NGF: variants seen among roughly 807,000 people sequenced by gnomAD.
NGF encodes the protein nerve growth factor.
NGF carries 4 observed loss-of-function variants against 12.8 expected under a neutral mutation model. That is an observed-to-expected ratio of 0.31 (90% CI 0.15 to 0.72). The LOEUF is 0.72. NGF is among the 30% of genes least tolerant of loss of function. The pLI, the probability that NGF is intolerant of heterozygous loss-of-function variation, is 0.69. For synonymous variants in NGF, 140 were observed against 130.0 expected, an observed-to-expected ratio of 1.08 and a Z score of -0.52; for missense variants, 283 against 330.8, an observed-to-expected ratio of 0.86 and a Z score of 1.12.
chr1:115,321,248 G>A (rs1207840343), intron 1 of NGF, among the ~76,000 whole-genome samples: 2 of 152,082 alleles, frequency 1.3e-5, no homozygotes, highest in Admixed American at 6.5e-5. Context: ...TTCCACTGTT[G>A]TATCACCAGT....
At chr1:115,302,635 C>T (rs1298018826) in intron 1 of NGF, among the ~76,000 whole-genome samples, 1 of 152,228 alleles carries the variant, frequency 6.6e-6, no homozygotes. Flanking sequence ...TGGCAGCAGG[C>T]CTCTGTCTGT....
At chr1:115,333,709 CTTTCT>C (rs746705767) in intron 1 of NGF, among the ~76,000 whole-genome samples, 4,592 of 57,030 alleles carry the variant, frequency 0.081, 200 homozygotes, top group African/African-American at 0.21. Context: ...TTCTTTCTTT[CTTTCT>C]TTTCTTTCTT....
chr1:115,306,830 C>T (rs1319183099), intron 1 of NGF, among the ~76,000 whole-genome samples: 1 of 152,228 alleles, frequency 6.6e-6, no homozygotes, highest in African/African-American at 2.4e-5. Flanking sequence ...ATGGCTGTCA[C>T]CTACAGGGTA....
At chr1:115,311,360 G>A (rs1654331165) in intron 1 of NGF, among the ~76,000 whole-genome samples, 1 of 152,104 alleles carries the variant, frequency 6.6e-6, no homozygotes, top group Non-Finnish European at 1.5e-5. Flanking sequence ...TACATATGCT[G>A]AGTGGCTCTT....
At chr1:115,336,823 T>A (rs764692847) in intron 1 of NGF, among the ~76,000 whole-genome samples, 201 of 152,270 alleles carry the variant, frequency 1.3e-3, no homozygotes, top group Non-Finnish European at 2.5e-3. Context: ...ACTGATGGGG[T>A]CTCCACTGTC....
intron 1 of NGF, among the ~76,000 whole-genome samples, chr1:115,314,047 A>T (rs908804803): frequency 5.3e-5 from 8 of 152,116 alleles, no homozygotes; most frequent in South Asian, 4.2e-4. Flanking sequence ...ATGGTGGAAG[A>T]CCCCAGTCCA....
chr1:115,304,320 G>A (rs1378944366), intron 1 of NGF, among the ~76,000 whole-genome samples: 1 of 50,564 alleles, frequency 2.0e-5, no homozygotes, highest in Non-Finnish European at 5.3e-5. Context: ...GCACCACCAT[G>A]CTTGGCTAAT....
chr1:115,322,214 C>T (rs1654649568), intron 1 of NGF, among the ~76,000 whole-genome samples: 2 of 152,186 alleles, frequency 1.3e-5, no homozygotes, highest in Admixed American at 6.5e-5. Flanking sequence ...GGGCCCATGG[C>T]AAAAGCTAAG....
At chr1:115,337,256 G>GTTTTTTTTTTT (rs1364127314) in intron 1 of NGF, among the ~76,000 whole-genome samples, 2 of 27,200 alleles carry the variant, frequency 7.4e-5, no homozygotes, top group African/African-American at 3.3e-4. Flanking sequence ...AATTTTTTTT[G>GTTTTTTTTTTT]TTTTGTTTTT....
At chr1:115,317,194 G>A (rs190614637) in intron 1 of NGF, among the ~76,000 whole-genome samples, 2 of 152,192 alleles carry the variant, frequency 1.3e-5, no homozygotes, top group African/African-American at 2.4e-5. Context: ...TGGCGCTTGC[G>A]TGGAGCCACC....
At position 115,286,513 on chromosome 1, in the gene NGF, G is replaced by A. The variant is rs771270154; in HGVS notation, c.283C>T (p.Arg95Cys). The change falls in exon 3 of 3, where the codon CGT becomes TGT. Residue 95 changes from arginine (R) to cysteine (C), a missense_variant. By Grantham distance (180) the Arg-to-Cys change is radical (BLOSUM62 -3). Around this residue, in one of 2 missense-constraint regions of NGF, gnomAD observed 151 missense variants for 141.6 expected, o/e 1.07. Coordinates refer to ENST00000369512, the MANE Select transcript of NGF (RefSeq NM_002506.3). Reference sequence around the variant, plus strand: ...AGATCCTGAGTGTCTGCAGCTTCACGGGGAGGCTGGGTGCTAAACAGCACA... The same window carrying A: ...AGATCCTGAGTGTCTGCAGCTTCACAGGGAGGCTGGGTGCTAAACAGCACA... Reference protein sequence around the residue: ...PRVLFSTQPPREAADTQDLDF... With the variant: ...PRVLFSTQPPCEAADTQDLDF... The A allele has an allele frequency of 3.4e-5, 55 of 1,614,160 alleles. No homozygotes were observed. The East Asian group carries it at 9.6e-4, about 28-fold the overall frequency.
chr1:115,298,426 G>A (rs192601365), intron 1 of NGF, among the ~76,000 whole-genome samples: 10 of 152,190 alleles, frequency 6.6e-5, no homozygotes, highest in Admixed American at 2.6e-4. Flanking sequence ...AACAGAGAGA[G>A]GGGATTCAGG....
intron 1 of NGF, among the ~76,000 whole-genome samples, chr1:115,315,944 T>C (rs781297679): frequency 6.6e-6 from 1 of 152,220 alleles, no homozygotes; most frequent in African/African-American, 2.4e-5. Context: ...TTTGACTTCC[T>C]GTCTCTTAGA....
At chr1:115,328,051 G>A (rs1333015795) in intron 1 of NGF, among the ~76,000 whole-genome samples, 3 of 152,130 alleles carry the variant, frequency 2.0e-5, no homozygotes, top group East Asian at 3.9e-4. Flanking sequence ...TGCCTAAAAA[G>A]CAGCATTAAA....
At chr1:115,337,671 G>T (rs529120751) in intron 1 of NGF, among the ~76,000 whole-genome samples, 2 of 152,196 alleles carry the variant, frequency 1.3e-5, no homozygotes, top group South Asian at 2.1e-4. Flanking sequence ...TGAGGGAACT[G>T]CCCCAGGTCT....
chr1:115,286,598 C>G lies in NGF; in HGVS notation c.198G>C (p.Gln66His). The change falls in exon 3 of 3, where the codon CAG (glutamine) becomes CAC (histidine). Residue 66 changes from glutamine to histidine, a missense_variant. Transcript: ENST00000369512. ...AAAIAARVAG[Q>H]TRNITVDPRL... ...TGGGGTCCACAGTAATGTTGCGGGT[C>G]TGCCCCGCCACGCGTGCAGCTATCG... 6.2e-7 allele frequency: 1 copy of G among 1,614,216 alleles called. No homozygotes were observed. The highest frequency in any genetic ancestry group is 8.5e-7 in the Non-Finnish European group (1 of 1,180,054).
intron 1 of NGF, among the ~76,000 whole-genome samples, chr1:115,294,311 G>A (rs941386506): frequency 1.3e-5 from 2 of 152,204 alleles, no homozygotes; most frequent in African/African-American, 4.8e-5. Flanking sequence ...CTGAAAGGCA[G>A]ATTTTAGGAT....
At chr1:115,332,579 G>T (rs1654951419) in intron 1 of NGF, among the ~76,000 whole-genome samples, 1 of 152,230 alleles carries the variant, frequency 6.6e-6, no homozygotes, top group Non-Finnish European at 1.5e-5. Flanking sequence ...GAGAACGTGA[G>T]GGGAGGAAGC....
chr1:115,335,285 C>T lies in NGF; in HGVS notation c.-137+2919G>A, dbSNP rs1045306951. ...TTCACATATCAGCCTCAGGATCATC[C>T]TGGCCTTACTGCTATTTGGAGTTAG... On this transcript the variant is annotated intron_variant, in intron 1 of 2. Coordinates refer to ENST00000369512, the MANE Select transcript of NGF (RefSeq NM_002506.3). Among the ~76,000 whole-genome samples the T allele has an allele frequency of 2.6e-5, 4 of 152,224 alleles. No homozygotes were observed. In the South Asian group the frequency reaches 6.2e-4, roughly 24 times the overall value.
Sources: allele counts gnomAD v4.1 joint callset (sites outside exome capture counted in the v4.1 genomes callset), GRCh38; gene constraint gnomAD v4.1.1; regional missense constraint gnomAD v4.1.1; transcripts MANE v1.5; gene names NCBI Gene and HGNC (gene_info 2026-07-23, HGNC 2026-07-21).